PCDHA11: variants seen among roughly 807,000 people sequenced by gnomAD.
The protein encoded by PCDHA11 is protocadherin alpha 11.
A neutral mutation model predicts 70.3 loss-of-function variants in PCDHA11; 61 were observed. The ratio of observed to expected loss-of-function variants is 0.87; its 90% CI spans 0.71 to 1.07. The LOEUF (loss-of-function observed/expected upper bound fraction) is 1.07. Ranked by LOEUF, PCDHA11 falls within the 50% of genes least tolerant of loss-of-function variation. The probability of loss-of-function intolerance (pLI) is 0.00; values close to 1 mark genes in which losing one functional copy is unlikely to be tolerated. For missense variants in PCDHA11, 1,324 were observed against 1,237.5 expected (o/e 1.07, Z -1.05); for synonymous variants, 633 against 555.1 (o/e 1.14, Z -1.97).
intron 3 of PCDHA11, among the ~76,000 whole-genome samples, chr5:140,997,593 G>T (rs2097775607): frequency 6.6e-6 from 1 of 152,072 alleles, no homozygotes. Context: ...ACTGAAACAT[G>T]ATTATGGGGC....
intron 3 of PCDHA11, among the ~76,000 whole-genome samples, chr5:141,007,668 G>C (rs556655396): frequency 6.6e-6 from 1 of 152,262 alleles, no homozygotes; most frequent in East Asian, 1.9e-4. Context: ...AATTTACAAA[G>C]ACAAAAGTTA....
chr5:140,927,362 G>A, intron 1 of PCDHA11: 1 of 1,614,030 alleles, frequency 6.2e-7, no homozygotes, highest in Non-Finnish European at 8.5e-7. Context: ...GGAAGCAATG[G>A]GATACTAAGC....
chr5:140,982,483 A>G lies in PCDHA11; in HGVS notation c.2459A>G (p.His820Arg). Residue 820 changes from histidine (H) to arginine (R), a missense_variant, in exon 3 of 4, where the codon CAC (histidine) becomes CGC (arginine). His to Arg is a conservative substitution (Grantham distance 29, BLOSUM62 0). Transcript: ENST00000398640. ...SLRAGMHSSV[H>R]LEEAGILRAG... ...TCTGTGTGTTTATTCAGCTCTGTGC[A>G]CCTAGAGGAGGCTGGCATTCTACGG... The G allele has an allele frequency of 1.2e-6, 2 of 1,614,142 alleles. No homozygotes were observed. Among genetic ancestry groups the G allele is most frequent in the Non-Finnish European group, 1.7e-6 (2 of 1,180,016 alleles).
Position 140,871,294 on chromosome 5 carries a change from T to C in PCDHA11, c.2191T>C (p.Cys731Arg). The C allele has an allele frequency of 6.2e-7, 1 of 1,613,852 alleles. No individual in the cohort carries two copies. The highest frequency in any genetic ancestry group is 8.5e-7 in the Non-Finnish European group (1 of 1,179,930). The change falls in exon 1 of 4, where the codon TGC becomes CGC. Residue 731 changes from cysteine to arginine, a missense_variant. Physicochemically the swap from Cys to Arg is radical, Grantham distance 180 (BLOSUM62 -3). Coordinates refer to ENST00000398640, the MANE Select transcript of PCDHA11 (RefSeq NM_018902.5). Reference sequence around the variant, plus strand: ...GTCGGCAACGCCCACTGAGGGCGCGTGCGCGCCGGGGAAGCCCACGCTGGT... The same window carrying C: ...GTCGGCAACGCCCACTGAGGGCGCGCGCGCGCCGGGGAAGCCCACGCTGGT... ...WWSATPTEGA[C>R]APGKPTLVCS... is the part of the protein sequence containing the mutation.
At position 140,886,151 on chromosome 5, in the gene PCDHA11, T is replaced by G. The variant is rs184205776; in HGVS notation, c.2391+14657T>G. Reference sequence around the variant, plus strand: ...ACAACCAGATTCTTGATATCACCTTTTTATAGCCACATCTGCTTCCCTGCC... The same window carrying G: ...ACAACCAGATTCTTGATATCACCTTGTTATAGCCACATCTGCTTCCCTGCC... On this transcript the variant is annotated intron_variant, in intron 1 of 3. Coordinates refer to ENST00000398640, the MANE Select transcript of PCDHA11 (RefSeq NM_018902.5). Among the ~76,000 whole-genome samples, 468 of 152,312 alleles carry G rather than the reference T, an allele frequency of 3.1e-3. 3 individuals are homozygous for G. Among genetic ancestry groups the G allele is most frequent in the Middle Eastern group, 0.014 (4 of 294 alleles).
At chr5:140,929,096 C>T (rs113293568) in intron 1 of PCDHA11, 45,094 of 1,614,150 alleles carry the variant, frequency 0.028, 813 homozygotes, top group Non-Finnish European at 0.033. Context: ...GTTTCAAATC[C>T]TTGCATGACA....
intron 3 of PCDHA11, among the ~76,000 whole-genome samples, chr5:140,985,509 T>C (rs6886977): frequency 1.5e-3 from 223 of 152,280 alleles, no homozygotes; most frequent in African/African-American, 4.4e-3. Context: ...CTTTCATTGA[T>C]TCTGTTGCCC....
intron 3 of PCDHA11, among the ~76,000 whole-genome samples, chr5:140,999,591 C>T (rs2153957965): frequency 1.3e-5 from 2 of 152,208 alleles, no homozygotes; most frequent in South Asian, 4.2e-4. Flanking sequence ...AATTGCCTTC[C>T]CTACATCCTG....
At chr5:140,910,985 A>G (rs1554194529) in intron 1 of PCDHA11, among the ~76,000 whole-genome samples, 1 of 151,754 alleles carries the variant, frequency 6.6e-6, no homozygotes, top group Non-Finnish European at 1.5e-5. Flanking sequence ...TATACTCTGA[A>G]CCTCACCCCT....
At chr5:141,004,532 C>G (rs569751588) in intron 3 of PCDHA11, among the ~76,000 whole-genome samples, 1 of 152,314 alleles carries the variant, frequency 6.6e-6, no homozygotes, top group African/African-American at 2.4e-5. Context: ...TACACACAGC[C>G]ATTAATGTCC....
chr5:140,895,665 A>G (rs782373926), intron 1 of PCDHA11, among the ~76,000 whole-genome samples: 1 of 152,114 alleles, frequency 6.6e-6, no homozygotes, highest in Non-Finnish European at 1.5e-5. Flanking sequence ...AAGTGAGAAC[A>G]TGTAGTATTT....
intron 1 of PCDHA11, among the ~76,000 whole-genome samples, chr5:140,937,123 C>T (rs1255527159): frequency 1.3e-5 from 2 of 151,390 alleles, no homozygotes; most frequent in Non-Finnish European, 2.9e-5. Context: ...CTGCAAGCTC[C>T]GCCTCCCGGG....
chr5:140,921,124 G>A (rs1017756296), intron 1 of PCDHA11, among the ~76,000 whole-genome samples: 1 of 146,978 alleles, frequency 6.8e-6, no homozygotes, highest in Non-Finnish European at 1.5e-5. Flanking sequence ...AGGACTACAG[G>A]TGCACACCAC....
At position 140,928,057 on chromosome 5, in the gene PCDHA11, G is replaced by T. The variant is rs150006101; in HGVS notation, c.2392-50892G>T. 1.4e-4 allele frequency: 234 copies of T among 1,614,060 alleles called. No individual in the cohort carries two copies. Among genetic ancestry groups the T allele is most frequent in the Non-Finnish European group, 1.9e-4 (219 of 1,180,052 alleles). On this transcript the variant is annotated intron_variant, in intron 1 of 3. Transcript: ENST00000398640. ...TAGTGCAGGCCCTTTTCAGCTGACG[G>T]CTTCCTTTGACAACTACTACAGCCT...
chr5:140,884,479 C>T, intron 1 of PCDHA11: 1 of 1,613,914 alleles, frequency 6.2e-7, no homozygotes, highest in Non-Finnish European at 8.5e-7. Context: ...CGGGCAAGCC[C>T]ACTCTAGTGT....
intron 3 of PCDHA11, 87 bp downstream of exon 3, chr5:140,982,650 C>T (rs1299219435): frequency 4.6e-6 from 7 of 1,507,000 alleles, no homozygotes; most frequent in Non-Finnish European, 5.3e-6. Flanking sequence ...ATGTTGATGG[C>T]TCTTTTTCTT....
At chr5:140,997,740 C>T (rs568361121) in intron 3 of PCDHA11, among the ~76,000 whole-genome samples, 3 of 151,924 alleles carry the variant, frequency 2.0e-5, no homozygotes, top group African/African-American at 7.2e-5. Flanking sequence ...ATAGATTTGC[C>T]ACAATCTTCT....
chr5:140,876,012 T>C (rs2056048598), intron 1 of PCDHA11: 1 of 1,613,604 alleles, frequency 6.2e-7, no homozygotes, highest in Non-Finnish European at 8.5e-7. Flanking sequence ...ATTTTGAGCT[T>C]AAAATAAAAA....
intron 1 of PCDHA11, chr5:140,883,049 G>A: frequency 6.2e-7 from 1 of 1,614,182 alleles, no homozygotes; most frequent in South Asian, 1.1e-5. Context: ...TGGAACATTA[G>A]TGATCAAGCT....
Sources: allele counts gnomAD v4.1 joint callset (sites outside exome capture counted in the v4.1 genomes callset), GRCh38; gene constraint gnomAD v4.1.1; transcripts MANE v1.5; gene names NCBI Gene and HGNC (gene_info 2026-07-23, HGNC 2026-07-21).